The following PLG variants were observed in gnomAD, a reference collection of about 807,000 sequenced individuals.
The protein encoded by PLG is plasmin.
PLG carries 41 observed loss-of-function variants against 104.4 expected under a neutral mutation model. The ratio of observed to expected loss-of-function variants is 0.39; its 90% CI spans 0.31 to 0.51. The LOEUF is 0.51. Among genes scored for constraint, PLG ranks in the 20% least tolerant of loss-of-function variants. The probability of loss-of-function intolerance (pLI) is 0.76; values close to 1 mark genes in which losing one functional copy is unlikely to be tolerated. For missense variants in PLG, 891 were observed against 1,003.6 expected, an observed-to-expected ratio of 0.89 and a Z score of 1.52; for synonymous variants, 337 against 357.1, an observed-to-expected ratio of 0.94 and a Z score of 0.63.
rs1777775918 is a variant in PLG, at chr6:160,718,341, A to G, written c.835A>G (p.Thr279Ala). 1 of 1,613,970 alleles carries G rather than the reference A, an allele frequency of 6.2e-7. No homozygotes were observed. The highest frequency in any genetic ancestry group is 2.2e-5 in the East Asian group (1 of 44,880). The change falls in exon 8 of 19, where the codon ACA (threonine) becomes GCA (alanine). Residue 279 changes from threonine (T) to alanine (A), a missense_variant. Physicochemically the swap from Thr to Ala is moderately conservative, Grantham distance 58. Around this residue, in one of 2 missense-constraint regions of PLG, gnomAD observed 854 missense variants for 932.1 expected, o/e 0.92. Coordinates refer to ENST00000308192, the MANE Select transcript of PLG (RefSeq NM_000301.5). Reference protein sequence around the residue: ...SGPTYQCLKGTGENYRGNVAV... With the variant: ...SGPTYQCLKGAGENYRGNVAV... ...TCCCACCTACCAGTGTCTGAAGGGA[A>G]CAGGTGAAAACTATCGCGGGAATGT...
Position 160,722,544 on chromosome 6 carries a change from G to A in PLG, c.1233G>A (p.Lys411=), listed in dbSNP as rs1777852082. 6.2e-7 allele frequency: 1 copy of A among 1,613,956 alleles called. No homozygotes were observed. Residue 411 remains lysine, a synonymous_variant, in exon 10 of 19, where the codon AAG becomes AAA. Coordinates refer to ENST00000308192, the MANE Select transcript of PLG (RefSeq NM_000301.5). ...WSSMTPHRHQ[K]TPENYPNAGL... is the part of the protein sequence containing the mutation. ...CTATGACACCACACCGGCACCAGAAGACCCCAGAAAACTACCCAAATGCGT... is the reference window on the plus strand; with the variant it reads ...CTATGACACCACACCGGCACCAGAAAACCCCAGAAAACTACCCAAATGCGT...
At position 160,718,369 on chromosome 6, in the gene PLG, C is replaced by T. The variant is rs1380916375; in HGVS notation, c.863C>T (p.Ala288Val). The T allele has an allele frequency of 3.1e-6, 5 of 1,613,088 alleles. No individual in the cohort carries two copies. The highest frequency in any genetic ancestry group is 4.2e-6 in the Non-Finnish European group (5 of 1,179,108). The change falls in exon 8 of 19, where the codon GCT (alanine) becomes GTT (valine). Residue 288 changes from alanine to valine, a missense_variant. By Grantham distance (64) the Ala-to-Val change is moderately conservative. Transcript: ENST00000308192. ...GTGENYRGNV[A>V]VTVSGHTCQH... ...GGTGAAAACTATCGCGGGAATGTGG[C>T]TGTTACCGTGTCCGGGCACACCTGT...
At chr6:160,703,883 C>T (rs1777470261) in intron 1 of PLG, among the ~76,000 whole-genome samples, 1 of 152,210 alleles carries the variant, frequency 6.6e-6, no homozygotes, top group Non-Finnish European at 1.5e-5. Context: ...TTTTGGAAAG[C>T]CAGGTTTTCT....
At chr6:160,706,630 A>G (rs1777533371) in intron 2 of PLG, 88 bp downstream of exon 2, 1 of 1,350,898 alleles carries the variant, frequency 7.4e-7, no homozygotes, top group Middle Eastern at 2.5e-4. Flanking sequence ...ATTTAAGAGG[A>G]AAGAGAAATT....
chr6:160,731,075 G>C lies in PLG; in HGVS notation c.1281G>C (p.Arg427Ser). ...GTGGCCTGACAATGAACTACTGCAG[G>C]AATCCAGATGCCGATAAAGGCCCCT... ...PNAGLTMNYCRNPDADKGPWC... is the reference protein window; with the variant it reads ...PNAGLTMNYCSNPDADKGPWC... Residue 427 changes from arginine to serine, a missense_variant, in exon 11 of 19, where the codon AGG (arginine) becomes AGC (serine). By Grantham distance (110) the Arg-to-Ser change is moderately radical. Around this residue, in one of 2 missense-constraint regions of PLG, gnomAD observed 854 missense variants for 932.1 expected, o/e 0.92. Transcript: ENST00000308192. This position sits in a 1 kb window ranked among gnomAD's most constrained non-coding sequence, Gnocchi z 5.1. 1 of 1,614,050 alleles carries C rather than the reference G, an allele frequency of 6.2e-7. No homozygotes were observed. Among genetic ancestry groups the C allele is most frequent in the Non-Finnish European group, 8.5e-7 (1 of 1,179,946 alleles).
In PLG at chr6:160,740,201, G is replaced by A. The variant is rs1778166372; in HGVS notation, c.2018+993G>A. Among the ~76,000 whole-genome samples the A allele has an allele frequency of 6.6e-6, 1 of 152,188 alleles. No homozygotes were observed. Among genetic ancestry groups the A allele is most frequent in the African/African-American group, 2.4e-5 (1 of 41,448 alleles). ...AGCTTCTCTGGGTCTGTGAACTGAG[G>A]GGTGATGTCCTGGGATGCTCTGACA... is the stretch of plus-strand genomic sequence containing the variant. On this transcript the variant is annotated intron_variant, in intron 16 of 18. Coordinates refer to ENST00000308192, the MANE Select transcript of PLG (RefSeq NM_000301.5). This position sits in a 1 kb window ranked among gnomAD's most constrained non-coding sequence, Gnocchi z 5.2.
chr6:160,737,773 C>T lies in PLG; in HGVS notation c.1803-765C>T, dbSNP rs1325193097. On this transcript the variant is annotated intron_variant, in intron 14 of 18. Transcript: ENST00000308192. This position sits in a 1 kb window ranked among gnomAD's most constrained non-coding sequence, Gnocchi z 4.7. ...AAGTTTGTGAAATGCCATCGACAAACCTGATCGCATTGCATTTCACTCTGC... is the reference window on the plus strand; with the variant it reads ...AAGTTTGTGAAATGCCATCGACAAATCTGATCGCATTGCATTTCACTCTGC... Among the ~76,000 whole-genome samples the T allele has an allele frequency of 1.3e-5, 2 of 152,196 alleles. No homozygotes were observed. The highest frequency in any genetic ancestry group is 2.9e-5 in the Non-Finnish European group (2 of 68,038).
rs574923259 is a variant in PLG at position 160,737,243 on chromosome 6, C to T, written c.1802+236C>T. On this transcript the variant is annotated intron_variant, in intron 14 of 18. Transcript: ENST00000308192. The surrounding 1 kb of genome is among the most constrained non-coding windows in gnomAD (Gnocchi z 4.7). The stretch of plus-strand genomic sequence containing the variant: ...TTTTTCTTGATCTGGGCAGCTCCAT[C>T]AAAATCTGTAGGCACAGTGATTTGC... 5.3e-4 allele frequency among the ~76,000 whole-genome samples: 81 copies of T among 152,244 alleles called. No homozygotes were observed. The highest frequency in any genetic ancestry group is 1.9e-3 in the African/African-American group (80 of 41,544).
intron 10 of PLG, among the ~76,000 whole-genome samples, chr6:160,728,279 A>G (rs1777948702): frequency 1.9e-4 from 1 of 5,204 alleles, no homozygotes; most frequent in Non-Finnish European, 3.3e-4. Context: ...ATACTAAAAA[A>G]CATTGTTAAG....
chr6:160,752,776 T>C lies in PLG; in HGVS notation c.2272-124T>C, dbSNP rs1582955642. 4.1e-6 allele frequency: 5 copies of C among 1,204,888 alleles called. No homozygotes were observed. The Admixed American group carries it at 9.1e-5, about 22-fold the overall frequency. The allele number at this position is 1,204,888 out of a possible 1,614,324, so 74.6% of individuals were successfully genotyped here. ...CACTGCAGATGCTTGAGTAATATGCTCATAAGTTCCTTTCTGATTTCAATT... is the reference window on the plus strand; with the variant it reads ...CACTGCAGATGCTTGAGTAATATGCCCATAAGTTCCTTTCTGATTTCAATT... On this transcript the variant is annotated intron_variant, in intron 18 of 18. Coordinates refer to ENST00000308192, the MANE Select transcript of PLG (RefSeq NM_000301.5). The surrounding 1 kb of genome is among the most constrained non-coding windows in gnomAD (Gnocchi z 4.7).
At position 160,734,383 on chromosome 6, in the gene PLG, C is replaced by T. The variant is rs1035771990; in HGVS notation, c.1681+295C>T. Reference sequence around the variant, plus strand: ...ATGGTCCCACTGAATGCTGCCATGTCTAGCGTGGGATGCATGAAAAATTTA... The same window carrying T: ...ATGGTCCCACTGAATGCTGCCATGTTTAGCGTGGGATGCATGAAAAATTTA... On this transcript the variant is annotated intron_variant, in intron 13 of 18. Coordinates refer to ENST00000308192, the MANE Select transcript of PLG (RefSeq NM_000301.5). This position sits in a 1 kb window ranked among gnomAD's most constrained non-coding sequence, Gnocchi z 4.4. Among the ~76,000 whole-genome samples the T allele has an allele frequency of 5.9e-5, 9 of 152,304 alleles. No homozygotes were observed. Among genetic ancestry groups the T allele is most frequent in the African/African-American group, 2.2e-4 (9 of 41,554 alleles).
chr6:160,718,259 T>C, intron 7 of PLG, 35 bp from the exon 8 acceptor site: 1 of 1,580,770 alleles, frequency 6.3e-7, no homozygotes, highest in South Asian at 1.1e-5. Flanking sequence ...TCAAAAAATA[T>C]ATATATTCAT....
chr6:160,718,118 G>A lies in PLG; in HGVS notation c.788-176G>A, dbSNP rs142757312. Among the ~76,000 whole-genome samples, 1,018 of 152,324 alleles carry A rather than the reference G, an allele frequency of 6.7e-3. 17 individuals carry two copies. The highest frequency in any genetic ancestry group is 0.045 in the South Asian group (217 of 4,822). On this transcript the variant is annotated intron_variant, in intron 7 of 18. Transcript: ENST00000308192. The stretch of plus-strand genomic sequence containing the variant: ...TACAAAAAAATTAGCCAGTTGTGGT[G>A]ACACGCACCTGTAGTCTGAGCTACT...
Position 160,726,837 on chromosome 6 carries a change from A to G in PLG, c.1257-4214A>G, listed in dbSNP as rs886373394. ...AGTTAAAGGGGTCTTAAGACCAAAA[A>G]CTTTGAGAACTGTTGATTTAAGATA... On this transcript the variant is annotated intron_variant, in intron 10 of 18. Coordinates refer to ENST00000308192, the MANE Select transcript of PLG (RefSeq NM_000301.5). This position sits in a 1 kb window ranked among gnomAD's most constrained non-coding sequence, Gnocchi z 4.4. Among the ~76,000 whole-genome samples the G allele has an allele frequency of 6.6e-6, 1 of 151,988 alleles. No individual in the cohort carries two copies. The highest frequency in any genetic ancestry group is 2.1e-4 in the South Asian group (1 of 4,834).
rs1442868605 is a variant in PLG at position 160,752,753 on chromosome 6, C to T, written c.2272-147C>T. 1 of 982,662 alleles carries T rather than the reference C, an allele frequency of 1.0e-6. No individual in the cohort carries two copies. The highest frequency in any genetic ancestry group is 1.6e-6 in the Non-Finnish European group (1 of 626,814). 60.9% of individuals were successfully genotyped at this position (982,662 alleles called of 1,614,324 possible). A position where few individuals can be genotyped will look rare whatever the true frequency, so the allele number is the denominator to read the frequency against. On this transcript the variant is annotated intron_variant, in intron 18 of 18. Coordinates refer to ENST00000308192, the MANE Select transcript of PLG (RefSeq NM_000301.5). This position sits in a 1 kb window ranked among gnomAD's most constrained non-coding sequence, Gnocchi z 4.7. ...ACAGATTTTGCTAAGTACTTAAGCA[C>T]TGCAGATGCTTGAGTAATATGCTCA...
chr6:160,725,304 A>G lies in PLG; in HGVS notation c.1256+2737A>G, dbSNP rs1426374465. Among the ~76,000 whole-genome samples the G allele has an allele frequency of 2.0e-5, 3 of 152,226 alleles. No homozygotes were observed. The highest frequency in any genetic ancestry group is 7.2e-5 in the African/African-American group (3 of 41,458). On this transcript the variant is annotated intron_variant, in intron 10 of 18. Transcript: ENST00000308192. This position sits in a 1 kb window ranked among gnomAD's most constrained non-coding sequence, Gnocchi z 6.3. ...TTGCTACTTTAACATATGTAAAAGTAAAAATTTCTAAATAATAATAATCAC... is the reference window on the plus strand; with the variant it reads ...TTGCTACTTTAACATATGTAAAAGTGAAAATTTCTAAATAATAATAATCAC...
rs1176756977 is a variant in PLG, at chr6:160,719,804, A to G, written c.1096+966A>G. On this transcript the variant is annotated intron_variant, in intron 9 of 18. Coordinates refer to ENST00000308192, the MANE Select transcript of PLG (RefSeq NM_000301.5). This position sits in a 1 kb window ranked among gnomAD's most constrained non-coding sequence, Gnocchi z 4.1. ...TTCCTCCCTCCCAAAATGCTATACTATTACTCTTTGTAATAGAAGCTTACT... is the reference window on the plus strand; with the variant it reads ...TTCCTCCCTCCCAAAATGCTATACTGTTACTCTTTGTAATAGAAGCTTACT... Among the ~76,000 whole-genome samples the G allele has an allele frequency of 9.9e-5, 15 of 152,226 alleles. No individual in the cohort carries two copies. Among genetic ancestry groups the G allele is most frequent in the Non-Finnish European group, 4.4e-5 (3 of 68,038 alleles).
At chr6:160,733,418 G>C (rs4252137) in intron 12 of PLG, among the ~76,000 whole-genome samples, 1 of 152,110 alleles carries the variant, frequency 6.6e-6, no homozygotes, top group Non-Finnish European at 1.5e-5. Context: ...ATTCTCCAAA[G>C]ACCCCCGAGG....
At position 160,738,259 on chromosome 6, in the gene PLG, GC is replaced by G. The variant is rs1486651425; in HGVS notation, c.1803-278del. The stretch of plus-strand genomic sequence containing the variant: ...GTGGGGTGAAAGCCGTGGCTGTAGA[GC>G]TTCATGCGGAGTTACTTAGCTTTGC... On this transcript the variant is annotated intron_variant, in intron 14 of 18. Transcript: ENST00000308192. The surrounding 1 kb of genome is among the most constrained non-coding windows in gnomAD (Gnocchi z 6.8). Among the ~76,000 whole-genome samples the G allele has an allele frequency of 1.1e-4, 16 of 152,282 alleles. No homozygotes were observed. The highest frequency in any genetic ancestry group is 3.4e-4 in the African/African-American group (14 of 41,556).
Sources: allele counts gnomAD v4.1 joint callset (sites outside exome capture counted in the v4.1 genomes callset), GRCh38; gene constraint gnomAD v4.1.1; regional missense constraint gnomAD v4.1.1; non-coding constraint Gnocchi (gnomAD v3.1); transcripts MANE v1.5; gene names NCBI Gene and HGNC (gene_info 2026-07-23, HGNC 2026-07-21).